USP21: variants seen among roughly 807,000 people sequenced by gnomAD.
USP21 encodes the protein ubiquitin specific peptidase 21, also known as ubiquitin carboxyl-terminal hydrolase 21.
In USP21, 37 loss-of-function variants were observed where a neutral mutation model predicts 70.8. The ratio of observed to expected loss-of-function variants is 0.52; its 90% CI spans 0.40 to 0.69. USP21 has a LOEUF of 0.69. Among genes scored for constraint, USP21 ranks in the 30% least tolerant of loss-of-function variants. USP21 has a pLI of 0.00. For synonymous variants in USP21, 263 were observed against 283.1 expected, an observed-to-expected ratio of 0.93 and a Z score of 0.71; for missense variants, 584 against 740.8, an observed-to-expected ratio of 0.79 and a Z score of 2.46.
chr1:161,160,534 A>G (rs1657819859), intron 2 of USP21, 28 bp downstream of exon 2: 1 of 1,354,366 alleles, frequency 7.4e-7, no homozygotes, highest in Non-Finnish European at 1.0e-6. Context: ...GCAATAAGGG[A>G]AAATTAGTGT....
Position 161,163,500 on chromosome 1 carries a change from G to T in USP21, c.1050-55G>T, listed in dbSNP as rs1229754226. 3.2e-6 allele frequency: 5 copies of T among 1,542,462 alleles called. No individual in the cohort carries two copies. In the Admixed American group the frequency reaches 5.0e-5, roughly 16 times the overall value. ...GGTTGTTTCAGTGGGTGTTGGGGGT[G>T]CCCAGTGTTCCTGCTGTCTCATGGG... On this transcript the variant is annotated intron_variant, in intron 7 of 13. Coordinates refer to ENST00000368002, the MANE Select transcript of USP21 (RefSeq NM_001014443.3).
chr1:161,162,402 A>T lies in USP21; in HGVS notation c.781+12A>T, dbSNP rs375234564. ...AGAGCTCACTGAAGGTGGGGCAACA[A>T]CTCCTGCTCCCTCTGTTCAAGTCCC... On this transcript the variant is annotated intron_variant, in intron 5 of 13. Transcript: ENST00000368002. The surrounding 1 kb of genome is among the most constrained non-coding windows in gnomAD (Gnocchi z 4.1). 1.3e-5 allele frequency: 21 copies of T among 1,591,280 alleles called. No homozygotes were observed. The highest frequency in any genetic ancestry group is 1.6e-5 in the Non-Finnish European group (19 of 1,168,826).
rs547193686 is a variant in USP21, at chr1:161,165,613, G to A, written c.*166G>A. ...ATTAAAAAATACCCTTCCACCTGGA[G>A]GCTCCCTTGTCTCCCAGCCCCATGT... On this transcript the variant is annotated 3_prime_UTR_variant, in exon 14 of 14. Coordinates refer to ENST00000368002, the MANE Select transcript of USP21 (RefSeq NM_001014443.3). 4 of 588,708 alleles carry A rather than the reference G, an allele frequency of 6.8e-6. No individual in the cohort carries two copies. In the East Asian group the frequency reaches 1.1e-4, roughly 16 times the overall value. The allele number at this position is 588,708 out of a possible 1,614,324, so 36.5% of individuals were successfully genotyped here.
rs1193624600 is a variant in USP21, at chr1:161,163,086, T to G, written c.1049+12T>G. ...GAACCTGAGTTAAGGTAAGGGTCGT[T>G]CCCTCTACCTCCTTTCCCCGTAGTT... On this transcript the variant is annotated intron_variant, in intron 7 of 13. Coordinates refer to ENST00000368002, the MANE Select transcript of USP21 (RefSeq NM_001014443.3). 1 of 1,572,966 alleles carries G rather than the reference T, an allele frequency of 6.4e-7. No individual in the cohort carries two copies. Among genetic ancestry groups the G allele is most frequent in the Non-Finnish European group, 8.6e-7 (1 of 1,160,386 alleles).
intron 2 of USP21, 32 bp from the exon 3 acceptor site, chr1:161,160,588 A>C (rs1428189332): frequency 5.1e-6 from 8 of 1,573,018 alleles, no homozygotes; most frequent in African/African-American, 1.4e-5. Context: ...TTCCCCCCAT[A>C]TTCAAATGCT....
In USP21 at chr1:161,164,789, C is replaced by T. The variant is rs748913680; in HGVS notation, c.1385-46C>T. 6.2e-6 allele frequency: 10 copies of T among 1,600,638 alleles called. No homozygotes were observed. The African/African-American group carries it at 1.1e-4, about 17-fold the overall frequency. The stretch of plus-strand genomic sequence containing the variant: ...CAGCTTTCAGGATAGAAGAAGTTCC[C>T]CTCAGAGGCCCACTGCCTCCCAAAT... On this transcript the variant is annotated intron_variant, in intron 11 of 13. Transcript: ENST00000368002. The surrounding 1 kb of genome is among the most constrained non-coding windows in gnomAD (Gnocchi z 4.2).
In USP21 at chr1:161,162,029, AC is replaced by A; in HGVS notation, c.601-7del. 3.1e-6 allele frequency: 5 copies of A among 1,614,070 alleles called. No individual in the cohort carries two copies. Among genetic ancestry groups the A allele is most frequent in the Non-Finnish European group, 4.2e-6 (5 of 1,179,990 alleles). ...ATAGGAACTTGCCGATTGTACTCTG[AC>A]CTTCCAGGCTCATCACACACTCCTT... is the stretch of plus-strand genomic sequence containing the variant. On this transcript the variant is annotated splice_region_variant and splice_polypyrimidine_tract_variant and intron_variant, in intron 3 of 13. Coordinates refer to ENST00000368002, the MANE Select transcript of USP21 (RefSeq NM_001014443.3). The surrounding 1 kb of genome is among the most constrained non-coding windows in gnomAD (Gnocchi z 4.1).
chr1:161,165,560 G>T lies in USP21; in HGVS notation c.*113G>T. 2.2e-5 allele frequency: 7 copies of T among 322,824 alleles called. No individual in the cohort carries two copies. Among genetic ancestry groups the T allele is most frequent in the Admixed American group, 8.4e-5 (2 of 23,678 alleles). The allele number at this position is 322,824 out of a possible 1,614,324, so 20.0% of individuals were successfully genotyped here. ...TCTTTTTAATCGGGGAGGGGGGAGGGGGTGGTTGTAGCTCCATTATTTTTT... is the reference window on the plus strand; with the variant it reads ...TCTTTTTAATCGGGGAGGGGGGAGGTGGTGGTTGTAGCTCCATTATTTTTT... On this transcript the variant is annotated 3_prime_UTR_variant, in exon 14 of 14. Coordinates refer to ENST00000368002, the MANE Select transcript of USP21 (RefSeq NM_001014443.3).
Position 161,160,960 on chromosome 1 carries a change from A to G in USP21, c.320A>G (p.Asn107Ser). Reference protein sequence around the residue: ...TVALPLPSRTNLARSKSVSSG... With the variant: ...TVALPLPSRTSLARSKSVSSG... ...GCTTTGCCTCTCCCATCTCGGACCA[A>G]CTTAGCCCGTTCCAAGTCTGTGAGC... The change falls in exon 3 of 14, where the codon AAC (asparagine) becomes AGC (serine). Residue 107 changes from asparagine to serine, a missense_variant. Coordinates refer to ENST00000368002, the MANE Select transcript of USP21 (RefSeq NM_001014443.3). 1.2e-6 allele frequency: 2 copies of G among 1,614,162 alleles called. No homozygotes were observed. Among genetic ancestry groups the G allele is most frequent in the East Asian group, 2.2e-5 (1 of 44,876 alleles).
intron 7 of USP21, 39 bp from the exon 8 acceptor site, chr1:161,163,516 G>A: frequency 6.2e-7 from 1 of 1,605,784 alleles, no homozygotes; most frequent in South Asian, 1.1e-5. Flanking sequence ...TGTTCCTGCT[G>A]TCTCATGGGT....
In USP21 at chr1:161,164,543, C is replaced by T. The variant is rs759996638; in HGVS notation, c.1315C>T (p.Arg439Ter). 2.5e-6 allele frequency: 4 copies of T among 1,613,994 alleles called. No homozygotes were observed. Among genetic ancestry groups the T allele is most frequent in the South Asian group, 1.1e-5 (1 of 91,086 alleles). The change falls in exon 11 of 14, where the codon CGA becomes TGA. Residue 439 changes from arginine to a stop codon, truncating the protein, a stop_gained. Transcript: ENST00000368002. LOFTEE classifies it high-confidence loss of function. The surrounding 1 kb of genome is among the most constrained non-coding windows in gnomAD (Gnocchi z 4.2). ...LESENAPVCD[R>*]CRQKTRSTKK... ...TTTGCCATTTATTCAGGTGTGTGAC[C>T]GATGTCGGCAGAAAACTCGAAGTAC... is the stretch of plus-strand genomic sequence containing the variant.
At position 161,161,173 on chromosome 1, in the gene USP21, C is replaced by CTT; in HGVS notation, c.534_535dup (p.Ser179PhefsTer8). The CTT allele has an allele frequency of 6.2e-7, 1 of 1,613,730 alleles. No individual in the cohort carries two copies. Among genetic ancestry groups the CTT allele is most frequent in the Non-Finnish European group, 8.5e-7 (1 of 1,179,724 alleles). ...TTCAGCATACGGACAGAGCCCCCTG[C>CTT]TTCCCATGGCTCCTTCCACATGATA... On this transcript the variant is annotated frameshift_variant, in exon 3 of 14. Transcript: ENST00000368002. LOFTEE classifies it high-confidence loss of function. This position sits in a 1 kb window ranked among gnomAD's most constrained non-coding sequence, Gnocchi z 4.2.
At position 161,162,466 on chromosome 1, in the gene USP21, G is replaced by A; in HGVS notation, c.781+76G>A. 2 of 1,556,112 alleles carry A rather than the reference G, an allele frequency of 1.3e-6. No individual in the cohort carries two copies. Among genetic ancestry groups the A allele is most frequent in the Non-Finnish European group, 1.7e-6 (2 of 1,143,966 alleles). On this transcript the variant is annotated intron_variant, in intron 5 of 13. Transcript: ENST00000368002. The surrounding 1 kb of genome is among the most constrained non-coding windows in gnomAD (Gnocchi z 4.1). ...ACTTGCAGGTCCATCTGCCACTGGTGGTGGCCCCCAACCCTTAAATCTGGC... is the reference window on the plus strand; with the variant it reads ...ACTTGCAGGTCCATCTGCCACTGGTAGTGGCCCCCAACCCTTAAATCTGGC...
chr1:161,163,179 C>G (rs1187934457), intron 7 of USP21, 105 bp downstream of exon 7: 2 of 1,357,436 alleles, frequency 1.5e-6, no homozygotes, highest in African/African-American at 2.9e-5. Flanking sequence ...CCAGGGAAAC[C>G]CTTTAGTATA....
intron 2 of USP21, 57 bp downstream of exon 2, chr1:161,160,563 A>C: frequency 6.6e-7 from 1 of 1,517,630 alleles, no homozygotes; most frequent in South Asian, 1.2e-5. Flanking sequence ...TCAGTACAGC[A>C]GCCTGGGTTC....
Position 161,161,363 on chromosome 1 carries a change from T to G in USP21, c.600+123T>G. On this transcript the variant is annotated intron_variant, in intron 3 of 13. Transcript: ENST00000368002. This position sits in a 1 kb window ranked among gnomAD's most constrained non-coding sequence, Gnocchi z 4.2. ...TTCTCAGCCCTTCATTACAGCAGTT[T>G]GGACATGCCTCTCCCTTGCTTAAAT... 1 of 1,262,086 alleles carries G rather than the reference T, an allele frequency of 7.9e-7. No individual in the cohort carries two copies. The highest frequency in any genetic ancestry group is 1.5e-5 in the South Asian group (1 of 67,222). The allele number at this position is 1,262,086 out of a possible 1,614,324, so 78.2% of individuals were successfully genotyped here.
rs1332394066 is a variant in USP21 at position 161,162,685 on chromosome 1, A to G, written c.852A>G (p.Arg284=). The G allele has an allele frequency of 2.5e-6, 4 of 1,614,012 alleles. No individual in the cohort carries two copies. The highest frequency in any genetic ancestry group is 3.4e-6 in the Non-Finnish European group (4 of 1,179,998). ...AAGCTGTGAATCCTACTCGATTCCG[A>G]GCTGTCTTCCAGAAATATGTTCCCT... ...SCEAVNPTRF[R]AVFQKYVPSF... The change falls in exon 6 of 14, where the codon CGA becomes CGG. Residue 284 remains arginine (R), a synonymous_variant. Transcript: ENST00000368002. This position sits in a 1 kb window ranked among gnomAD's most constrained non-coding sequence, Gnocchi z 4.1.
chr1:161,162,309 C>T lies in USP21; in HGVS notation c.700C>T (p.Arg234Ter). The T allele has an allele frequency of 1.2e-6, 2 of 1,613,358 alleles. No homozygotes were observed. The highest frequency in any genetic ancestry group is 1.7e-6 in the Non-Finnish European group (2 of 1,179,594). The change falls in exon 5 of 14, where the codon CGA becomes TGA. Residue 234 changes from arginine to a stop codon, truncating the protein, a stop_gained. Transcript: ENST00000368002. LOFTEE classifies it high-confidence loss of function. The surrounding 1 kb of genome is among the most constrained non-coding windows in gnomAD (Gnocchi z 4.1). ...TGTGCTGCAGTGTCTGAGCAGCACT[C>T]GACCTCTTCGGGACTTCTGTCTGAG... ...NAVLQCLSSTRPLRDFCLRRD... is the reference protein window; with the variant it reads ...NAVLQCLSST
Position 161,165,545 on chromosome 1 carries a change from C to T in USP21, c.*98C>T. Reference sequence around the variant, plus strand: ...ACGTCTATTTTTGTGTCTTTTTAATCGGGGAGGGGGGAGGGGGTGGTTGTA... The same window carrying T: ...ACGTCTATTTTTGTGTCTTTTTAATTGGGGAGGGGGGAGGGGGTGGTTGTA... On this transcript the variant is annotated 3_prime_UTR_variant, in exon 14 of 14. Transcript: ENST00000368002. The T allele has an allele frequency of 1.5e-6, 1 of 645,444 alleles. No homozygotes were observed. Among genetic ancestry groups the T allele is most frequent in the Non-Finnish European group, 2.4e-6 (1 of 424,278 alleles). The allele number at this position is 645,444 out of a possible 1,614,324, so 40.0% of individuals were successfully genotyped here.
Sources: gnomAD v4.1 joint callset for allele counts on GRCh38, gnomAD v4.1.1 for gene constraint, Gnocchi (gnomAD v3.1) non-coding constraint, MANE v1.5 for transcripts, NCBI Gene and HGNC (gene_info 2026-07-23, HGNC 2026-07-21) for gene names.